The following ANK2 variants were observed in gnomAD, a reference collection of about 807,000 sequenced individuals.
The protein encoded by ANK2 is ankyrin 2, also known as ankyrin-2.
A neutral mutation model predicts 360.5 loss-of-function variants in ANK2; 83 were observed. The ratio of observed to expected loss-of-function variants is 0.23; its 90% CI spans 0.19 to 0.28. The LOEUF (loss-of-function observed/expected upper bound fraction) is 0.28. Among genes scored for constraint, ANK2 ranks in the 10% least tolerant of loss-of-function variants. ANK2 has a pLI of 1.00. For synonymous variants in ANK2, 1,740 were observed against 1,759.5 expected (o/e 0.99, Z 0.28); for missense variants, 4,201 against 4,795.7 (o/e 0.88, Z 3.66).
At chr4:113,138,330 A>G (rs2096516323) in intron 1 of ANK2, among the ~76,000 whole-genome samples, 1 of 152,230 alleles carries the variant, frequency 6.6e-6, no homozygotes, top group African/African-American at 2.4e-5. Flanking sequence ...CATGCTGTTT[A>G]AAGTAATCAT....
At chr4:112,752,158 G>T in the ANK2 span, among the ~76,000 whole-genome samples, 2 of 152,154 alleles carry the variant, frequency 1.3e-5, no homozygotes, top group Non-Finnish European at 2.9e-5. Flanking sequence ...TGGACACTGT[G>T]TTAGGAGGCT....
the ANK2 span, among the ~76,000 whole-genome samples, chr4:112,776,825 A>C: frequency 6.6e-6 from 1 of 152,192 alleles, no homozygotes; most frequent in Non-Finnish European, 1.5e-5. Context: ...AATGCTGTGA[A>C]TCCCATATAT....
At chr4:112,882,601 G>A (rs2077001543) in intron 1 of ANK2, among the ~76,000 whole-genome samples, 1 of 152,064 alleles carries the variant, frequency 6.6e-6, no homozygotes, top group South Asian at 2.1e-4. Context: ...ATCAAAGGAT[G>A]CCGTATTTAA....
chr4:112,997,547 T>G (rs1354679), intron 2 of ANK2, among the ~76,000 whole-genome samples: 3 of 151,856 alleles, frequency 2.0e-5, no homozygotes, highest in Non-Finnish European at 2.9e-5. Context: ...TTTTACTCCT[T>G]GTAGCTCATT....
chr4:112,891,373 T>A (rs1012957563), intron 1 of ANK2, among the ~76,000 whole-genome samples: 30 of 151,952 alleles, frequency 2.0e-4, no homozygotes, highest in African/African-American at 7.0e-4. Flanking sequence ...TTATCAATTA[T>A]TTTTTTTATT....
rs897280623 is a variant in ANK2 at position 113,357,534 on chromosome 4, A to G, written c.8916A>G (p.Val2972=). ...TCACATCCCCTGTTGAAGACGTTGTAGTGGCAAGCTCCTCTAGTGGAACTG... is the reference window on the plus strand; with the variant it reads ...TCACATCCCCTGTTGAAGACGTTGTGGTGGCAAGCTCCTCTAGTGGAACTG... The part of the protein sequence containing the change: ...VTITSPVEDV[V]VASSSSGTVL... The change falls in exon 38 of 46, where the codon GTA becomes GTG. Residue 2972 remains valine (V), a synonymous_variant. Coordinates refer to ENST00000357077, the MANE Select transcript of ANK2 (RefSeq NM_001148.6). 1.9e-6 allele frequency: 3 copies of G among 1,614,162 alleles called. No individual in the cohort carries two copies. The highest frequency in any genetic ancestry group is 3.3e-5 in the Admixed American group (2 of 60,018).
chr4:113,265,369 C>T (rs868434497), intron 14 of ANK2, among the ~76,000 whole-genome samples: 8 of 152,086 alleles, frequency 5.3e-5, no homozygotes, highest in African/African-American at 1.9e-4. Context: ...TATTTCTTAC[C>T]ACTTAAACCA....
Position 113,357,644 on chromosome 4 carries a change from A to C in ANK2, c.9026A>C (p.Asp3009Ala). The change falls in exon 38 of 46, where the codon GAC becomes GCC. Residue 3009 changes from aspartate (D) to alanine (A), a missense_variant. Around this residue, in one of 4 missense-constraint regions of ANK2, gnomAD observed 2,642 missense variants for 2,714.5 expected, o/e 0.97. Coordinates refer to ENST00000357077, the MANE Select transcript of ANK2 (RefSeq NM_001148.6). ...QESTLWEMQSDSVSSSFEPTM... is the reference protein window; with the variant it reads ...QESTLWEMQSASVSSSFEPTM... ...AGTACCTTGTGGGAAATGCAATCAG[A>C]CAGTGTCTCTTCATCTTTCGAGCCT... 9.9e-6 allele frequency: 16 copies of C among 1,614,180 alleles called. No individual in the cohort carries two copies. The highest frequency in any genetic ancestry group is 1.4e-5 in the Non-Finnish European group (16 of 1,179,984).
the ANK2 span, among the ~76,000 whole-genome samples, chr4:112,733,437 C>G: frequency 6.6e-6 from 1 of 152,128 alleles, no homozygotes; most frequent in Non-Finnish European, 1.5e-5. Flanking sequence ...CATAGCTCTA[C>G]TAGTGACAAA....
intron 1 of ANK2, among the ~76,000 whole-genome samples, chr4:112,841,976 GTGAA>G (rs2062182551): frequency 6.6e-6 from 1 of 151,992 alleles, no homozygotes; most frequent in Admixed American, 6.6e-5. Flanking sequence ...CTTTGAAGAG[GTGAA>G]TGATCTTCAC....
intron 4 of ANK2, among the ~76,000 whole-genome samples, chr4:113,227,288 AG>A (rs575947767): frequency 1.1e-3 from 173 of 152,270 alleles, no homozygotes; most frequent in Admixed American, 2.9e-3. Flanking sequence ...TCCCAACCAA[AG>A]CTTCCTTCAT....
At chr4:113,213,857 T>C (rs2099052835) in intron 4 of ANK2, among the ~76,000 whole-genome samples, 1 of 152,028 alleles carries the variant, frequency 6.6e-6, no homozygotes, top group Non-Finnish European at 1.5e-5. Context: ...TTTGCGATAC[T>C]ATTTGACATT....
At chr4:113,368,993 GA>G (rs2096634859) in intron 42 of ANK2, among the ~76,000 whole-genome samples, 1 of 152,102 alleles carries the variant, frequency 6.6e-6, no homozygotes, top group Non-Finnish European at 1.5e-5. Context: ...CTATATCAAT[GA>G]AAAAAGTTTC....
At chr4:112,800,565 G>A in the ANK2 span, among the ~76,000 whole-genome samples, 11 of 152,120 alleles carry the variant, frequency 7.2e-5, no homozygotes, top group African/African-American at 2.7e-4. Context: ...CCAGTTATTT[G>A]CCAGCGTTGG....
intron 1 of ANK2, among the ~76,000 whole-genome samples, chr4:113,101,114 A>G (rs1482031494): frequency 6.6e-6 from 1 of 152,172 alleles, no homozygotes; most frequent in Non-Finnish European, 1.5e-5. Context: ...TACAACATAA[A>G]AAGTAAACTC....
chr4:113,097,782 C>T (rs2091692235), intron 1 of ANK2, among the ~76,000 whole-genome samples: 1 of 150,456 alleles, frequency 6.6e-6, no homozygotes, highest in South Asian at 2.1e-4. Context: ...TTGAGTTAGC[C>T]ATTAGCTCAA....
In ANK2 at chr4:113,049,670, T is replaced by G. The variant is rs770937235; in HGVS notation, c.-59T>G. 5 of 1,574,492 alleles carry G rather than the reference T, an allele frequency of 3.2e-6. No individual in the cohort carries two copies. The highest frequency in any genetic ancestry group is 1.7e-5 in the Admixed American group (1 of 57,738). ...CCTCCAGTAAGTGCATACCCGCTAGTGGTCTGTACAGGCGGCACGGTTTGA... is the reference window on the plus strand; with the variant it reads ...CCTCCAGTAAGTGCATACCCGCTAGGGGTCTGTACAGGCGGCACGGTTTGA... On this transcript the variant is annotated 5_prime_UTR_variant, in exon 1 of 46. Coordinates refer to ENST00000357077, the MANE Select transcript of ANK2 (RefSeq NM_001148.6).
intron 20 of ANK2, among the ~76,000 whole-genome samples, chr4:113,291,739 A>G (rs1365737579): frequency 1.3e-5 from 2 of 152,234 alleles, no homozygotes; most frequent in South Asian, 4.1e-4. Flanking sequence ...ATTTTAATAA[A>G]TAATAGCCAT....
At chr4:113,267,049 C>A (rs1359482825) in intron 14 of ANK2, among the ~76,000 whole-genome samples, 3 of 152,204 alleles carry the variant, frequency 2.0e-5, no homozygotes, top group Non-Finnish European at 4.4e-5. Context: ...TAAATATCTT[C>A]TTTTGAAAAG....
Sources: allele counts gnomAD v4.1 joint callset (sites outside exome capture counted in the v4.1 genomes callset), GRCh38; gene constraint gnomAD v4.1.1; regional missense constraint gnomAD v4.1.1; transcripts MANE v1.5; gene names NCBI Gene and HGNC (gene_info 2026-07-23, HGNC 2026-07-21).